The following MAMLD1 variants were observed in gnomAD, a reference collection of about 807,000 sequenced individuals.
The protein encoded by MAMLD1 is mastermind like domain containing 1.
Under a neutral mutation model 45.0 loss-of-function variants are expected in MAMLD1, and 14 were observed. That is an observed-to-expected ratio of 0.31 (90% confidence interval 0.21 to 0.49). MAMLD1 has a LOEUF of 0.49. MAMLD1 is among the 20% of genes least tolerant of loss of function. The pLI, the probability that MAMLD1 is intolerant of heterozygous loss-of-function variation, is 0.99. For missense variants in MAMLD1, 543 were observed against 603.6 expected (o/e 0.90, Z 1.05); for synonymous variants, 254 against 247.8 (o/e 1.02, Z -0.24).
chrX:150,445,876 A>G (rs2035471498), intron 2 of MAMLD1, among the ~76,000 whole-genome samples: 2 of 111,456 alleles, frequency 1.8e-5, no homozygotes, highest in Admixed American at 1.9e-4. Flanking sequence ...CACCCATTCA[A>G]TAAGAAAAAT....
rs782540609 is a variant in MAMLD1, at chrX:150,471,376, G to A, written c.1803G>A (p.Gln601=). The A allele has an allele frequency of 5.0e-6, 6 of 1,210,978 alleles. No individual in the cohort carries two copies. In the Middle Eastern group the frequency reaches 6.9e-4, roughly 139 times the overall value. ...CCTTGCAGCTGCAGCAGCAGCAGCA[G>A]CAACAGCAGCAGCAGCCTGACCATT... ...TATLQLQQQQ[Q]QQQQQPDHSS... The change falls in exon 4 of 8, where the codon CAG becomes CAA. Residue 601 remains glutamine (Q), a synonymous_variant. Coordinates refer to ENST00000370401, the MANE Select transcript of MAMLD1 (RefSeq NM_005491.5).
chrX:150,427,132 C>G (rs149064925), intron 1 of MAMLD1, among the ~76,000 whole-genome samples: 1 of 111,429 alleles, frequency 9.0e-6, no homozygotes, highest in Non-Finnish European at 1.9e-5. Context: ...TATACAGACA[C>G]CAATCATATT....
At chrX:150,429,597 A>C (rs2034846080) in intron 1 of MAMLD1, among the ~76,000 whole-genome samples, 1 of 111,389 alleles carries the variant, frequency 9.0e-6, no homozygotes, top group African/African-American at 3.3e-5. Flanking sequence ...TTTCCGTATA[A>C]AAATTTTAAA....
chrX:150,500,464 T>C (rs1034034517), intron 5 of MAMLD1, among the ~76,000 whole-genome samples: 9 of 111,044 alleles, frequency 8.1e-5, no homozygotes, highest in African/African-American at 3.0e-4. Context: ...GAAGGGAAAC[T>C]GGGCTGACCT....
In MAMLD1 at chrX:150,470,482, C is replaced by T. The variant is rs782497106; in HGVS notation, c.909C>T (p.His303=). ...CCTTACCAGTGCCTCAGTGGCATCACGCCCACCAGCTGAAGGCGTTGGCAG... is the reference window on the plus strand; with the variant it reads ...CCTTACCAGTGCCTCAGTGGCATCATGCCCACCAGCTGAAGGCGTTGGCAG... The part of the protein sequence containing the change: ...LPPLPVPQWH[H]AHQLKALAAS... The change falls in exon 4 of 8, where the codon CAC becomes CAT. Residue 303 remains histidine (H), a synonymous_variant. Coordinates refer to ENST00000370401, the MANE Select transcript of MAMLD1 (RefSeq NM_005491.5). 17 of 1,210,344 alleles carry T rather than the reference C, an allele frequency of 1.4e-5. No individual in the cohort carries two copies. Among genetic ancestry groups the T allele is most frequent in the Middle Eastern group, 4.6e-4 (2 of 4,376 alleles).
At chrX:150,486,425 G>A (rs1051526595) in intron 5 of MAMLD1, among the ~76,000 whole-genome samples, 3 of 111,814 alleles carry the variant, frequency 2.7e-5, no homozygotes, top group African/African-American at 6.5e-5. Context: ...TGTGTCCCCC[G>A]CTAGAACCTT....
chrX:150,482,014 AAGAAAGAAAGAAAG>A (rs1392400623), intron 5 of MAMLD1, among the ~76,000 whole-genome samples: 2 of 109,010 alleles, frequency 1.8e-5, no homozygotes, highest in East Asian at 5.8e-4. Flanking sequence ...GAAAGAAAGA[AAGAAAGAAAGAAAG>A]AAAGAATTGA....
chrX:150,470,683 G>A lies in MAMLD1; in HGVS notation c.1110G>A (p.Met370Ile), dbSNP rs1181385258. 5.8e-6 allele frequency: 7 copies of A among 1,210,253 alleles called. No individual in the cohort carries two copies. The highest frequency in any genetic ancestry group is 3.5e-5 in the South Asian group (2 of 56,814). The change falls in exon 4 of 8, where the codon ATG (methionine) becomes ATA (isoleucine). Residue 370 changes from methionine (M) to isoleucine (I), a missense_variant. Physicochemically the swap from Met to Ile is conservative, Grantham distance 10. Transcript: ENST00000370401. ...FSPQSLMVSC[M>I]SSNTLSGSTL... ...CCCAGAGCCTCATGGTGTCCTGCAT[G>A]TCGTCCAATACCTTGTCGGGTAGCA...
intron 3 of MAMLD1, among the ~76,000 whole-genome samples, chrX:150,463,964 C>T (rs1334957659): frequency 1.8e-5 from 2 of 112,171 alleles, no homozygotes; most frequent in Non-Finnish European, 1.9e-5. Context: ...AGGCCCAACA[C>T]GAAGACACAG....
chrX:150,512,100 A>G lies in MAMLD1; in HGVS notation c.*141A>G. ...CCACCCAGAACTGGGCTTCTTCAGA[A>G]CAATCTGAGTCCAGGAATGATCCCA... On this transcript the variant is annotated 3_prime_UTR_variant, in exon 8 of 8. Coordinates refer to ENST00000370401, the MANE Select transcript of MAMLD1 (RefSeq NM_005491.5). 8.7e-7 allele frequency: 1 copy of G among 1,152,231 alleles called. No individual in the cohort carries two copies. Among genetic ancestry groups the G allele is most frequent in the Non-Finnish European group, 1.1e-6 (1 of 870,806 alleles). The allele number at this position is 1,152,231 out of a possible 1,213,427, so 95.0% of individuals were successfully genotyped here.
intron 1 of MAMLD1, among the ~76,000 whole-genome samples, chrX:150,395,985 T>A (rs1394131483): frequency 2.8e-5 from 3 of 107,853 alleles, no homozygotes; most frequent in Non-Finnish European, 5.8e-5. Context: ...TGCTTTTTTT[T>A]TTCTTTTTTC....
At chrX:150,441,000 A>C (rs1356041467) in intron 1 of MAMLD1, among the ~76,000 whole-genome samples, 4 of 104,863 alleles carry the variant, frequency 3.8e-5, no homozygotes, top group African/African-American at 1.4e-4. Flanking sequence ...ATAATATTTA[A>C]TATAAATATT....
At chrX:150,477,971 C>G (rs910024948) in intron 5 of MAMLD1, among the ~76,000 whole-genome samples, 6 of 111,726 alleles carry the variant, frequency 5.4e-5, no homozygotes, top group Non-Finnish European at 9.4e-5. Flanking sequence ...GATACCTCCC[C>G]TCTCTCCTCT....
intron 5 of MAMLD1, among the ~76,000 whole-genome samples, chrX:150,496,551 C>T (rs947329316): frequency 1.7e-4 from 19 of 112,195 alleles, no homozygotes; most frequent in Non-Finnish European, 3.0e-4. Context: ...TCATCATTAT[C>T]GTCATCATCA....
intron 1 of MAMLD1, among the ~76,000 whole-genome samples, chrX:150,365,426 C>T (rs1441401465): frequency 8.8e-6 from 1 of 113,068 alleles, no homozygotes; most frequent in Admixed American, 9.2e-5. Flanking sequence ...GCACTGCGAG[C>T]TGGCGGGCGC....
intron 3 of MAMLD1, among the ~76,000 whole-genome samples, chrX:150,468,610 T>G (rs904957353): frequency 1.8e-5 from 2 of 111,085 alleles, no homozygotes; most frequent in African/African-American, 6.6e-5. Flanking sequence ...ACAACAGCGA[T>G]GGATGACTGT....
At chrX:150,377,819 T>TCCACACACA (rs782754923) in intron 1 of MAMLD1, among the ~76,000 whole-genome samples, 1 of 91,834 alleles carries the variant, frequency 1.1e-5, no homozygotes, top group African/African-American at 4.0e-5. Context: ...TACCACCCCC[T>TCCACACACA]CACACACACA....
chrX:150,371,520 G>C (rs2031986075), intron 1 of MAMLD1, among the ~76,000 whole-genome samples: 1 of 111,610 alleles, frequency 9.0e-6, no homozygotes, highest in Admixed American at 9.5e-5. Context: ...AAAAGGCCTG[G>C]TGGCCCCAGC....
chrX:150,401,161 T>G (rs2033737150), intron 1 of MAMLD1, among the ~76,000 whole-genome samples: 1 of 111,423 alleles, frequency 9.0e-6, no homozygotes, highest in Non-Finnish European at 1.9e-5. Flanking sequence ...ATTCAGAGAT[T>G]CAACTTCTTC....
Sources: gnomAD v4.1 joint callset for allele counts (sites outside exome capture counted in the v4.1 genomes callset) on GRCh38, gnomAD v4.1.1 for gene constraint, MANE v1.5 for transcripts, NCBI Gene and HGNC (gene_info 2026-07-23, HGNC 2026-07-21) for gene names.